The following DPP6 variants were observed in gnomAD, a reference collection of about 807,000 sequenced individuals.
DPP6 encodes A-type potassium channel modulatory protein DPP6.
Under a neutral mutation model 122.6 loss-of-function variants are expected in DPP6, and 69 were observed. That is an observed-to-expected ratio of 0.56 (90% CI 0.46 to 0.69). DPP6 has a LOEUF of 0.69. Ranked by LOEUF, DPP6 falls within the 30% of genes least tolerant of loss-of-function variation. The pLI, the probability that DPP6 is intolerant of heterozygous loss-of-function variation, is 0.00. For missense variants in DPP6, 928 were observed against 1,116.9 expected, an observed-to-expected ratio of 0.83 and a Z score of 2.41; for synonymous variants, 418 against 433.1, an observed-to-expected ratio of 0.97 and a Z score of 0.43.
chr7:154,351,979 C>T (rs1475099455), intron 1 of DPP6, among the ~76,000 whole-genome samples: 1 of 152,088 alleles, frequency 6.6e-6, no homozygotes, highest in Admixed American at 6.5e-5. Flanking sequence ...ACTGGCCGAC[C>T]AGCCTGCTCC....
At chr7:154,861,764 G>A (rs1158026597) in intron 17 of DPP6, among the ~76,000 whole-genome samples, 1 of 152,116 alleles carries the variant, frequency 6.6e-6, no homozygotes, top group East Asian at 1.9e-4. Flanking sequence ...CAGTTCATGA[G>A]CACACCTGAC....
intron 1 of DPP6, among the ~76,000 whole-genome samples, chr7:154,336,561 C>T (rs1442375327): frequency 6.6e-6 from 1 of 152,156 alleles, no homozygotes; most frequent in South Asian, 2.1e-4. Context: ...AGAGCTGGAA[C>T]GTAACGCCCA....
intron 17 of DPP6, among the ~76,000 whole-genome samples, chr7:154,862,328 G>A (rs3807278): frequency 0.095 from 14,480 of 152,322 alleles, 1,574 homozygotes; most frequent in African/African-American, 0.27. Context: ...TGGATGCAGA[G>A]AGCCTGGGAA....
chr7:154,498,669 G>A (rs1824961643), intron 3 of DPP6, among the ~76,000 whole-genome samples: 1 of 152,052 alleles, frequency 6.6e-6, no homozygotes, highest in African/African-American at 2.4e-5. Context: ...TAGTGTCATT[G>A]CCCTCAAATA....
chr7:153,876,967 T>C, the DPP6 span, among the ~76,000 whole-genome samples: 7 of 152,170 alleles, frequency 4.6e-5, no homozygotes, highest in African/African-American at 1.2e-4. Context: ...GAACTTACCA[T>C]AAATGGAGCT....
chr7:154,736,569 A>G (rs538302851), intron 8 of DPP6, among the ~76,000 whole-genome samples: 1 of 152,356 alleles, frequency 6.6e-6, no homozygotes, highest in African/African-American at 2.4e-5. Flanking sequence ...ATAGTAAGCC[A>G]ATCCCAATTT....
At chr7:153,945,663 G>C (rs1187707883) in intron 1 of DPP6, among the ~76,000 whole-genome samples, 1 of 152,130 alleles carries the variant, frequency 6.6e-6, no homozygotes, top group Admixed American at 6.5e-5. Context: ...ACAAGTAAAG[G>C]TCTTATTCAT....
At chr7:154,190,811 G>A (rs1416361485) in intron 1 of DPP6, among the ~76,000 whole-genome samples, 5 of 152,118 alleles carry the variant, frequency 3.3e-5, no homozygotes, top group African/African-American at 9.7e-5. Flanking sequence ...GCATTGAATA[G>A]GTTTTTCATA....
chr7:153,822,801 A>T, the DPP6 span, among the ~76,000 whole-genome samples: 1 of 152,246 alleles, frequency 6.6e-6, no homozygotes. Flanking sequence ...AAATATTTCC[A>T]GGTAATAAAA....
chr7:154,795,651 G>A (rs576190406), intron 11 of DPP6, among the ~76,000 whole-genome samples, 194 bp from the exon 12 acceptor site: 23 of 152,102 alleles, frequency 1.5e-4, no homozygotes, highest in Non-Finnish European at 2.6e-4. Context: ...TCCGAGCCAC[G>A]CACGAGACAA....
At chr7:154,865,531 C>T (rs1803787685) in intron 17 of DPP6, 1 of 151,986 alleles carries the variant, frequency 6.6e-6, no homozygotes, top group Admixed American at 6.6e-5. Context: ...AGAAAATTTT[C>T]CATCAACTTC....
At chr7:154,541,384 T>C (rs10231013) in intron 4 of DPP6, among the ~76,000 whole-genome samples, 64,948 of 152,090 alleles carry the variant, frequency 0.43, 14,206 homozygotes, top group African/African-American at 0.49. Context: ...ATCCTCCTGC[T>C]TTGGCCTCCC....
intron 1 of DPP6, among the ~76,000 whole-genome samples, chr7:154,259,856 C>T (rs1386688529): frequency 6.6e-6 from 1 of 152,172 alleles, no homozygotes; most frequent in Non-Finnish European, 1.5e-5. Context: ...GGTGAAGCAT[C>T]TACCGTAAGG....
At chr7:154,399,610 T>G (rs1257847391) in intron 1 of DPP6, among the ~76,000 whole-genome samples, 1 of 152,194 alleles carries the variant, frequency 6.6e-6, no homozygotes, top group South Asian at 2.1e-4. Flanking sequence ...TGAGCAGTTA[T>G]ATTGAGAACA....
chr7:154,577,518 T>A (rs1831763252), intron 5 of DPP6, among the ~76,000 whole-genome samples: 1 of 152,178 alleles, frequency 6.6e-6, no homozygotes, highest in Non-Finnish European at 1.5e-5. Context: ...TTGCTTGGCC[T>A]CCTGCAGTGA....
intron 3 of DPP6, among the ~76,000 whole-genome samples, chr7:154,523,892 G>A (rs184111551): frequency 9.8e-4 from 150 of 152,298 alleles, no homozygotes; most frequent in African/African-American, 3.4e-3. Context: ...TGAGAATGGC[G>A]TATTTTCTGT....
At chr7:154,883,948 GC>G (rs1481030113) in intron 21 of DPP6, 9 of 109,210 alleles carry the variant, frequency 8.2e-5, no homozygotes, top group Non-Finnish European at 1.6e-4. Flanking sequence ...GTACATACAC[GC>G]TGACACATGC....
the DPP6 span, among the ~76,000 whole-genome samples, chr7:153,859,159 T>C: frequency 6.6e-6 from 1 of 152,100 alleles, no homozygotes; most frequent in Non-Finnish European, 1.5e-5. Context: ...TTGGGATCTA[T>C]TGGTAAAAGG....
At chr7:154,834,384 G>C (rs1230382936) in intron 16 of DPP6, among the ~76,000 whole-genome samples, 1 of 151,918 alleles carries the variant, frequency 6.6e-6, no homozygotes, top group Non-Finnish European at 1.5e-5. Flanking sequence ...GCTGAGGCAG[G>C]GGAATCACTT....
Sources: allele counts gnomAD v4.1 joint callset (sites outside exome capture counted in the v4.1 genomes callset), GRCh38; gene constraint gnomAD v4.1.1; transcripts MANE v1.5; gene names NCBI Gene and HGNC (gene_info 2026-07-23, HGNC 2026-07-21).